Variants in NRG3 observed in about 807,000 individuals in gnomAD.
NRG3 encodes the protein pro-neuregulin-3, membrane-bound isoform.
Under a neutral mutation model 66.9 loss-of-function variants are expected in NRG3, and 31 were observed. That is an observed-to-expected ratio of 0.46 (90% CI 0.35 to 0.63). NRG3 has a LOEUF of 0.63. NRG3 is among the 20% of genes least tolerant of loss of function. The pLI is 0.00. For missense variants in NRG3, 910 were observed against 878.9 expected (o/e 1.04, Z -0.45); for synonymous variants, 393 against 359.4 (o/e 1.09, Z -1.06).
At chr10:82,462,684 A>G (rs1488279941) in intron 2 of NRG3, among the ~76,000 whole-genome samples, 1 of 152,040 alleles carries the variant, frequency 6.6e-6, no homozygotes, top group Non-Finnish European at 1.5e-5. Context: ...GTCTGCCTTG[A>G]TCCCAAGATT....
intron 2 of NRG3, among the ~76,000 whole-genome samples, chr10:82,409,170 C>T (rs762223587): frequency 6.6e-6 from 1 of 152,092 alleles, no homozygotes; most frequent in Non-Finnish European, 1.5e-5. Context: ...GACTATCTAC[C>T]AATTACTTCA....
intron 2 of NRG3, among the ~76,000 whole-genome samples, chr10:82,686,820 A>G (rs964951248): frequency 6.6e-6 from 1 of 152,206 alleles, no homozygotes; most frequent in Non-Finnish European, 1.5e-5. Context: ...TGGTTTGACA[A>G]AAATCACTGA....
At chr10:82,070,680 G>A (rs11192387) in intron 1 of NRG3, among the ~76,000 whole-genome samples, 4,522 of 152,054 alleles carry the variant, frequency 0.03, 234 homozygotes, top group African/African-American at 0.1. Context: ...GGAAAAAAAC[G>A]AACAAAGGAT....
intron 1 of NRG3, among the ~76,000 whole-genome samples, chr10:82,201,234 G>A (rs1349240369): frequency 6.6e-6 from 1 of 151,476 alleles, no homozygotes; most frequent in African/African-American, 2.4e-5. Flanking sequence ...TGTGGTTTCA[G>A]GCTGGAACCA....
intron 2 of NRG3, among the ~76,000 whole-genome samples, chr10:82,435,282 G>A (rs1440381455): frequency 6.6e-6 from 1 of 152,146 alleles, no homozygotes; most frequent in Non-Finnish European, 1.5e-5. Context: ...TGTGGGGTCA[G>A]TGGTGGTATC....
intron 5 of NRG3, among the ~76,000 whole-genome samples, chr10:82,954,886 CCT>C (rs1564662467): frequency 6.6e-6 from 1 of 151,456 alleles, no homozygotes; most frequent in Non-Finnish European, 1.5e-5. Context: ...CCAAACTCTA[CCT>C]TGACCTTCCC....
At chr10:82,376,382 C>T (rs1330568890) in intron 2 of NRG3, among the ~76,000 whole-genome samples, 4 of 152,242 alleles carry the variant, frequency 2.6e-5, no homozygotes, top group Non-Finnish European at 4.4e-5. Flanking sequence ...TCTTCTGCCA[C>T]AGGCCTCCAC....
intron 2 of NRG3, among the ~76,000 whole-genome samples, chr10:82,678,184 T>C (rs2053854840): frequency 6.6e-6 from 1 of 152,202 alleles, no homozygotes; most frequent in African/African-American, 2.4e-5. Context: ...TGCTTTTCCC[T>C]GGTCACTCAC....
At chr10:82,415,593 A>G (rs1037820899) in intron 2 of NRG3, among the ~76,000 whole-genome samples, 10 of 152,176 alleles carry the variant, frequency 6.6e-5, no homozygotes, top group Non-Finnish European at 1.2e-4. Context: ...GATTGTAGGG[A>G]GACCATGTTA....
At chr10:82,804,403 C>A (rs551225286) in intron 3 of NRG3, among the ~76,000 whole-genome samples, 3 of 152,240 alleles carry the variant, frequency 2.0e-5, no homozygotes, top group African/African-American at 4.8e-5. Context: ...ATGGAAAAGG[C>A]ATTGCATTTG....
intron 1 of NRG3, among the ~76,000 whole-genome samples, chr10:82,275,259 T>G (rs1039155541): frequency 2.0e-5 from 3 of 151,944 alleles, no homozygotes; most frequent in African/African-American, 7.2e-5. Context: ...AGCAACTTAT[T>G]TATTGCTTAC....
intron 3 of NRG3, among the ~76,000 whole-genome samples, chr10:82,823,128 G>T (rs1191310886): frequency 3.3e-5 from 5 of 152,052 alleles, no homozygotes; most frequent in African/African-American, 4.8e-5. Context: ...GCCACTCCAG[G>T]TTATTTTTCT....
At chr10:81,891,790 C>T (rs924655905) in intron 1 of NRG3, among the ~76,000 whole-genome samples, 17 of 152,152 alleles carry the variant, frequency 1.1e-4, no homozygotes, top group African/African-American at 4.1e-4. Context: ...GGGTAAACTA[C>T]TTGATCTCTA....
At position 82,243,649 on chromosome 10, in the gene NRG3, G is replaced by T. The variant is rs557002697; in HGVS notation, c.824-115090G>T. 2.0e-5 allele frequency among the ~76,000 whole-genome samples: 3 copies of T among 152,112 alleles called. No homozygotes were observed. In the East Asian group the frequency reaches 5.8e-4, roughly 29 times the overall value. ...TTCTGAAGGAAAATAACTATCTTTC[G>T]GTCTGAATTGTCATGATTATATAAA... On this transcript the variant is annotated intron_variant, in intron 1 of 8. Transcript: ENST00000372141.
intron 4 of NRG3, among the ~76,000 whole-genome samples, chr10:82,899,970 G>T (rs527877105): frequency 6.6e-6 from 1 of 152,170 alleles, no homozygotes; most frequent in African/African-American, 2.4e-5. Context: ...AAGAAAAGAG[G>T]TTTAATTAGC....
At chr10:81,944,522 T>A (rs1170457494) in intron 1 of NRG3, among the ~76,000 whole-genome samples, 1 of 152,160 alleles carries the variant, frequency 6.6e-6, no homozygotes, top group Non-Finnish European at 1.5e-5. Flanking sequence ...AAAATGTTGT[T>A]TGAAATGGTT....
At chr10:82,802,193 C>T (rs2061071091) in intron 3 of NRG3, among the ~76,000 whole-genome samples, 1 of 152,028 alleles carries the variant, frequency 6.6e-6, no homozygotes, top group African/African-American at 2.4e-5. Flanking sequence ...TGATTGGGTG[C>T]TAGGAAAGTG....
chr10:82,431,007 C>A (rs1394061472), intron 2 of NRG3, among the ~76,000 whole-genome samples: 4 of 152,046 alleles, frequency 2.6e-5, no homozygotes, highest in African/African-American at 9.7e-5. Flanking sequence ...TTTCTAGATC[C>A]CCAGGAATAT....
At chr10:82,588,743 T>C (rs1209511566) in intron 2 of NRG3, among the ~76,000 whole-genome samples, 1 of 152,130 alleles carries the variant, frequency 6.6e-6, no homozygotes, top group Non-Finnish European at 1.5e-5. Context: ...CCTCATGATC[T>C]GCCCACCTCG....
Sources: allele counts gnomAD v4.1 joint callset (sites outside exome capture counted in the v4.1 genomes callset), GRCh38; gene constraint gnomAD v4.1.1; transcripts MANE v1.5; gene names NCBI Gene and HGNC (gene_info 2026-07-23, HGNC 2026-07-21).